ADAM8: variants seen among roughly 807,000 people sequenced by gnomAD.
The protein encoded by ADAM8 is ADAM metallopeptidase domain 8.
Under a neutral mutation model 102.4 loss-of-function variants are expected in ADAM8, and 104 were observed. The ratio of observed to expected loss-of-function variants is 1.02; its 90% CI spans 0.87 to 1.20. The LOEUF is 1.20. Among genes scored for constraint, ADAM8 ranks in the 50% most tolerant of loss-of-function variants. The pLI is 0.00. For synonymous variants in ADAM8, 517 were observed against 485.2 expected, an observed-to-expected ratio of 1.07 and a Z score of -0.86; for missense variants, 1,132 against 1,159.0, an observed-to-expected ratio of 0.98 and a Z score of 0.34.
In ADAM8 at chr10:133,271,062, C is replaced by G. The variant is rs755094141; in HGVS notation, c.1383G>C (p.Pro461=). Residue 461 remains proline, a synonymous_variant, in exon 14 of 23, where the codon CCG becomes CCC. Coordinates refer to ENST00000445355, the MANE Select transcript of ADAM8 (RefSeq NM_001109.5). ...TCTTGGGACGGCACAGCTCACCAGC[C>G]GGCTTCACCTGGCCCAGCAGAGAAC... ...GTCCQECKVK[P]AGELCRPKKD... 1 of 1,610,454 alleles carries G rather than the reference C, an allele frequency of 6.2e-7. No homozygotes were observed. Among genetic ancestry groups the G allele is most frequent in the African/African-American group, 1.3e-5 (1 of 74,932 alleles).
intron 21 of ADAM8, among the ~76,000 whole-genome samples, chr10:133,264,093 C>T (rs1846251425): frequency 6.7e-6 from 1 of 149,002 alleles, no homozygotes; most frequent in South Asian, 2.1e-4. Flanking sequence ...TCAGGGTCTC[C>T]CTCTGTCACC....
intron 22 of ADAM8, 141 bp from the exon 23 acceptor site, chr10:133,263,374 C>A: frequency 2.4e-6 from 2 of 817,012 alleles, no homozygotes; most frequent in Non-Finnish European, 3.8e-6. Flanking sequence ...GGCCCATGCA[C>A]ACAATGGCAG....
intron 16 of ADAM8, among the ~76,000 whole-genome samples, 179 bp downstream of exon 16, chr10:133,270,181 A>C (rs1202026804): frequency 6.6e-6 from 1 of 152,218 alleles, no homozygotes; most frequent in Non-Finnish European, 1.5e-5. Context: ...CCATCAGATG[A>C]ACTGAGAACC....
chr10:133,267,968 G>A lies in ADAM8; in HGVS notation c.2214C>T (p.His738=). ...TCTTCAGAGCCACCGAGGAGGCCGG[G>A]TGTCGGGCGGGCTGGCCCGGGTGGG... ...PTTHPGQPAR[H]PASSVALKRP... Residue 738 remains histidine (H), a synonymous_variant, in exon 20 of 23, where the codon CAC becomes CAT. Coordinates refer to ENST00000445355, the MANE Select transcript of ADAM8 (RefSeq NM_001109.5). 4.8e-6 allele frequency: 6 copies of A among 1,262,290 alleles called. No homozygotes were observed. In the South Asian group the frequency reaches 1.9e-4, roughly 41 times the overall value. 78.2% of individuals were successfully genotyped at this position (1,262,290 alleles called of 1,614,324 possible).
chr10:133,263,324 CT>C, intron 22 of ADAM8, 91 bp from the exon 23 acceptor site: 1 of 1,261,772 alleles, frequency 7.9e-7, no homozygotes, highest in Non-Finnish European at 1.1e-6. Context: ...CCTTTAACAT[CT>C]CTTAAAATGT....
chr10:133,273,843 G>A lies in ADAM8; in HGVS notation c.307-5C>T, dbSNP rs1327137464. 1.7e-5 allele frequency: 26 copies of A among 1,548,826 alleles called. No individual in the cohort carries two copies. The highest frequency in any genetic ancestry group is 3.9e-5 in the Admixed American group (2 of 51,004). On this transcript the variant is annotated splice_region_variant and splice_polypyrimidine_tract_variant and intron_variant, in intron 4 of 22. Transcript: ENST00000445355. ...GCCCTGGTAGAAGCAGTGGTCCTGC[G>A]GGGGAAGCAGGAGAGGGGTCCACAG...
In ADAM8 at chr10:133,272,441, G is replaced by A. The variant is rs752097886; in HGVS notation, c.850C>T (p.Leu284=). Residue 284 remains leucine (L), a synonymous_variant, in exon 9 of 23, where the codon CTG becomes TTG. Transcript: ENST00000445355. ...WQARQRTRRH[L]HDNVQLITGV... The stretch of plus-strand genomic sequence containing the variant: ...GTGATGAGCTGTACGTTGTCATGCA[G>A]GTGCCGCCGTGTCCGTTGCCGTGCC... The A allele has an allele frequency of 6.8e-6, 11 of 1,609,512 alleles. No individual in the cohort carries two copies. Among genetic ancestry groups the A allele is most frequent in the Non-Finnish European group, 8.5e-6 (10 of 1,179,432 alleles).
Position 133,263,673 on chromosome 10 carries a change from G to T in ADAM8, c.2397+15C>A. 1 of 833,580 alleles carries T rather than the reference G, an allele frequency of 1.2e-6. No individual in the cohort carries two copies. 51.6% of individuals were successfully genotyped at this position (833,580 alleles called of 1,614,324 possible). On this transcript the variant is annotated intron_variant, in intron 22 of 22. Coordinates refer to ENST00000445355, the MANE Select transcript of ADAM8 (RefSeq NM_001109.5). Reference sequence around the variant, plus strand: ...TTGCACAGTGGACTCTGCCTGGTGTGTGCTGGGGCCTCACCTCAGCTGGAC... The same window carrying T: ...TTGCACAGTGGACTCTGCCTGGTGTTTGCTGGGGCCTCACCTCAGCTGGAC...
Position 133,269,798 on chromosome 10 carries a change from C to A in ADAM8, c.1863+99G>T. ...CCATGGACAGGACACGCCAGGCTCCCCCAGCCTCAGGCTCCCGTGTCCAGA... is the reference window on the plus strand; with the variant it reads ...CCATGGACAGGACACGCCAGGCTCCACCAGCCTCAGGCTCCCGTGTCCAGA... On this transcript the variant is annotated intron_variant, in intron 17 of 22. Transcript: ENST00000445355. 13 of 1,406,450 alleles carry A rather than the reference C, an allele frequency of 9.2e-6. 1 individual carries two copies. The South Asian group carries it at 1.4e-4, about 15-fold the overall frequency. 87.1% of individuals were successfully genotyped at this position (1,406,450 alleles called of 1,614,324 possible). A position where few individuals can be genotyped will look rare whatever the true frequency, so the allele number is the denominator to read the frequency against.
At chr10:133,274,910 G>A (rs917198498) in intron 2 of ADAM8, 1 of 433,308 alleles carries the variant, frequency 2.3e-6, no homozygotes. Context: ...CCGGCTGGAT[G>A]AGCCCAGGGC....
chr10:133,272,949 C>T lies in ADAM8; in HGVS notation c.636+8G>A. 6.2e-7 allele frequency: 1 copy of T among 1,612,874 alleles called. No homozygotes were observed. The highest frequency in any genetic ancestry group is 1.7e-4 in the Middle Eastern group (1 of 6,060). ...GCTGCTCTCCCACCTTCCCTGCCCC[C>T]AACACACCTCTGCATTGTCCACGAC... is the stretch of plus-strand genomic sequence containing the variant. On this transcript the variant is annotated splice_region_variant and intron_variant, in intron 7 of 22. Transcript: ENST00000445355.
At chr10:133,267,882 C>T in intron 20 of ADAM8, 47 bp downstream of exon 20, 1 of 1,255,902 alleles carries the variant, frequency 8.0e-7, no homozygotes, top group East Asian at 3.1e-5. Context: ...AGGATGGGGC[C>T]TGGGCACTGC....
chr10:133,270,126 C>T, intron 16 of ADAM8, 152 bp from the exon 17 acceptor site: 2 of 1,150,500 alleles, frequency 1.7e-6, no homozygotes, highest in Non-Finnish European at 2.5e-6. Flanking sequence ...ACCCCCAAAG[C>T]CCCTGGGAAG....
At chr10:133,265,823 T>C (rs2136073355) in intron 21 of ADAM8, among the ~76,000 whole-genome samples, 1 of 151,978 alleles carries the variant, frequency 6.6e-6, no homozygotes, top group East Asian at 1.9e-4. Context: ...AGAAAATCAC[T>C]ATTAGGCAAA....
chr10:133,272,617 C>A (rs1452232428), intron 8 of ADAM8, 32 bp from the exon 9 acceptor site: 19 of 1,587,236 alleles, frequency 1.2e-5, no homozygotes, highest in Admixed American at 1.2e-4. Context: ...GGGGGTCAGG[C>A]AGGGTGGCGG....
At chr10:133,269,793 G>T in intron 17 of ADAM8, 104 bp downstream of exon 17, 1 of 1,359,364 alleles carries the variant, frequency 7.4e-7, no homozygotes, top group Non-Finnish European at 1.0e-6. Flanking sequence ...GACACGCCAG[G>T]CTCCCCCAGC....
In ADAM8 at chr10:133,272,400, C is replaced by T. The variant is rs557932937; in HGVS notation, c.875+16G>A. ...CCTCCCCAGCCCTCCCCACCCTGCC[C>T]GCTCCGCCAGCTCACGTGATGAGCT... On this transcript the variant is annotated intron_variant, in intron 9 of 22. Coordinates refer to ENST00000445355, the MANE Select transcript of ADAM8 (RefSeq NM_001109.5). 56 of 1,562,380 alleles carry T rather than the reference C, an allele frequency of 3.6e-5. No individual in the cohort carries two copies. The highest frequency in any genetic ancestry group is 2.5e-4 in the East Asian group (11 of 44,092).
At chr10:133,263,803 G>T in intron 21 of ADAM8, 38 bp from the exon 22 acceptor site, 1 of 1,458,922 alleles carries the variant, frequency 6.9e-7, no homozygotes, top group South Asian at 1.4e-5. Flanking sequence ...GGGTCCCCCA[G>T]GCACTCCCGG....
At chr10:133,275,898 G>A (rs1038688823) in intron 1 of ADAM8, 28 of 315,210 alleles carry the variant, frequency 8.9e-5, no homozygotes, top group African/African-American at 5.8e-4. Flanking sequence ...GGGCCCGAGG[G>A]CAAGGATGAA....
Sources: allele counts gnomAD v4.1 joint callset (sites outside exome capture counted in the v4.1 genomes callset), GRCh38; gene constraint gnomAD v4.1.1; transcripts MANE v1.5; gene names NCBI Gene and HGNC (gene_info 2026-07-23, HGNC 2026-07-21).